Variants in UMAD1 observed in about 807,000 individuals in gnomAD.
The protein encoded by UMAD1 is UBAP1-MVB12-associated (UMA) domain containing 1, also known as UBAP1-MVB12-associated (UMA)-domain containing protein 1.
In UMAD1, 8 loss-of-function variants were observed where a neutral mutation model predicts 6.1. The observed-to-expected ratio is 1.30, with a 90% CI of 0.76 to 2.35. UMAD1 has a LOEUF of 2.35. Among genes scored for constraint, UMAD1 ranks in the 30% most tolerant of loss-of-function variants. UMAD1 has a pLI of 0.00. For missense variants in UMAD1, 130 were observed against 78.4 expected (o/e 1.66, Z -2.49); for synonymous variants, 56 against 31.4 (o/e 1.78, Z -2.61).
intron 2 of UMAD1, among the ~76,000 whole-genome samples, chr7:7,785,831 G>T (rs1782451389): frequency 6.6e-6 from 1 of 152,084 alleles, no homozygotes; most frequent in Non-Finnish European, 1.5e-5. Context: ...AGGAGGAGAA[G>T]GTGAAAGGGG....
chr7:7,730,027 C>A (rs1448253561), intron 2 of UMAD1, among the ~76,000 whole-genome samples: 1 of 152,150 alleles, frequency 6.6e-6, no homozygotes, highest in Non-Finnish European at 1.5e-5. Context: ...TAGGACCCTG[C>A]CACTTTTCAA....
chr7:7,819,591 G>A (rs1369327883), intron 3 of UMAD1, among the ~76,000 whole-genome samples: 2 of 152,090 alleles, frequency 1.3e-5, no homozygotes, highest in Admixed American at 6.6e-5. Context: ...TTTTTTCCAC[G>A]CCTGTTGACA....
chr7:7,765,068 C>G (rs1781958915), intron 2 of UMAD1, among the ~76,000 whole-genome samples: 1 of 151,592 alleles, frequency 6.6e-6, no homozygotes, highest in Admixed American at 6.6e-5. Context: ...TGTTGACACA[C>G]TTAAATTCTT....
At chr7:7,685,779 A>T (rs1381580598) in intron 2 of UMAD1, 1 of 152,208 alleles carries the variant, frequency 6.6e-6, no homozygotes, top group African/African-American at 2.4e-5. Flanking sequence ...AAAAGAAAAA[A>T]ATTTAAGTGT....
chr7:7,786,451 A>G (rs1367005907), intron 2 of UMAD1, among the ~76,000 whole-genome samples: 2 of 152,140 alleles, frequency 1.3e-5, no homozygotes, highest in Admixed American at 1.3e-4. Context: ...TGTTCGTTAC[A>G]TTACTGAAAA....
At chr7:7,806,219 C>G (rs1782909902) in intron 3 of UMAD1, among the ~76,000 whole-genome samples, 1 of 150,840 alleles carries the variant, frequency 6.6e-6, no homozygotes, top group Non-Finnish European at 1.5e-5. Context: ...TTCCCCAAAT[C>G]TCTTTCTAAA....
At chr7:7,660,130 GT>G (rs966788068) in intron 1 of UMAD1, among the ~76,000 whole-genome samples, 2 of 151,962 alleles carry the variant, frequency 1.3e-5, no homozygotes, top group Non-Finnish European at 2.9e-5. Context: ...AAACCCTGCT[GT>G]TTTTTGCTTT....
At chr7:7,759,420 A>G (rs1034694683) in intron 2 of UMAD1, among the ~76,000 whole-genome samples, 3 of 152,264 alleles carry the variant, frequency 2.0e-5, no homozygotes, top group African/African-American at 7.2e-5. Context: ...CAGGCCCTCT[A>G]CTTGATTCCA....
intron 1 of UMAD1, among the ~76,000 whole-genome samples, chr7:7,660,771 T>C (rs1180683248): frequency 7.4e-6 from 1 of 135,002 alleles, no homozygotes; most frequent in African/African-American, 2.5e-5. Flanking sequence ...ATCTGGCAAT[T>C]ATGTGTCTTG....
intron 3 of UMAD1, among the ~76,000 whole-genome samples, chr7:7,841,335 G>C (rs1783677291): frequency 7.3e-6 from 1 of 137,188 alleles, no homozygotes; most frequent in African/African-American, 2.7e-5. Flanking sequence ...TTTTTTTTGA[G>C]GCCAGGTGTT....
At chr7:7,819,475 C>T (rs753843204) in intron 3 of UMAD1, among the ~76,000 whole-genome samples, 6 of 152,082 alleles carry the variant, frequency 3.9e-5, no homozygotes, top group Non-Finnish European at 2.9e-5. Flanking sequence ...ATGCTATACA[C>T]ACGCTGGGAG....
At chr7:7,787,291 TA>T (rs60430091) in intron 2 of UMAD1, among the ~76,000 whole-genome samples, 84,051 of 151,912 alleles carry the variant, frequency 0.55, 23,372 homozygotes, top group East Asian at 0.76. Context: ...TAAATGTTTT[TA>T]CTCTTTAACC....
chr7:7,716,307 T>C (rs539400684), intron 2 of UMAD1, among the ~76,000 whole-genome samples: 1 of 152,350 alleles, frequency 6.6e-6, no homozygotes, highest in South Asian at 2.1e-4. Context: ...TTTATTCTTA[T>C]AACTTCAAAG....
At chr7:7,719,033 G>C (rs896453626) in intron 2 of UMAD1, among the ~76,000 whole-genome samples, 1 of 151,982 alleles carries the variant, frequency 6.6e-6, no homozygotes, top group Non-Finnish European at 1.5e-5. Context: ...AAACATATGA[G>C]TATTTTTGGA....
At chr7:7,641,066 A>C (rs17169194) in intron 1 of UMAD1, 12,803 of 152,740 alleles carry the variant, frequency 0.084, 621 homozygotes, top group Middle Eastern at 0.13. Flanking sequence ...GGAGATGGGC[A>C]GCGGGGTCAT....
intron 3 of UMAD1, among the ~76,000 whole-genome samples, chr7:7,811,726 T>G (rs1783025664): frequency 6.6e-6 from 1 of 152,166 alleles, no homozygotes; most frequent in African/African-American, 2.4e-5. Flanking sequence ...ATGAAGAGAT[T>G]TTAGGCATTG....
At chr7:7,679,925 T>C (rs1012262175) in intron 2 of UMAD1, among the ~76,000 whole-genome samples, 1 of 151,916 alleles carries the variant, frequency 6.6e-6, no homozygotes, top group African/African-American at 2.4e-5. Flanking sequence ...GTTCCTTATA[T>C]ATACTGATTG....
chr7:7,752,940 C>G (rs1212422482), intron 2 of UMAD1, among the ~76,000 whole-genome samples: 2 of 152,022 alleles, frequency 1.3e-5, no homozygotes, highest in African/African-American at 4.8e-5. Flanking sequence ...ACCCTACAAC[C>G]TGGATCCACC....
chr7:7,846,388 C>T (rs531550052), intron 3 of UMAD1, among the ~76,000 whole-genome samples: 1 of 152,128 alleles, frequency 6.6e-6, no homozygotes, highest in Non-Finnish European at 1.5e-5. Flanking sequence ...GTCATAGTGA[C>T]ATCTTATTTT....
Sources: allele counts gnomAD v4.1 joint callset (sites outside exome capture counted in the v4.1 genomes callset), GRCh38; gene constraint gnomAD v4.1.1; transcripts MANE v1.5; gene names NCBI Gene and HGNC (gene_info 2026-07-23, HGNC 2026-07-21).